Variants in CNTNAP4 observed in about 807,000 individuals in gnomAD.
CNTNAP4 encodes contactin-associated protein-like 4.
Under a neutral mutation model 148.4 loss-of-function variants are expected in CNTNAP4, and 98 were observed. The ratio of observed to expected loss-of-function variants is 0.66; its 90% CI spans 0.56 to 0.78. The LOEUF (loss-of-function observed/expected upper bound fraction) is 0.78. CNTNAP4 is among the 30% of genes least tolerant of loss of function. The probability of loss-of-function intolerance (pLI) is 0.00; values close to 1 mark genes in which losing one functional copy is unlikely to be tolerated. For missense variants in CNTNAP4, 1,935 were observed against 1,565.6 expected (o/e 1.24, Z -3.98); for synonymous variants, 730 against 565.1 (o/e 1.29, Z -4.14).
At chr16:76,391,392 C>A (rs1217891870) in intron 3 of CNTNAP4, among the ~76,000 whole-genome samples, 1 of 152,204 alleles carries the variant, frequency 6.6e-6, no homozygotes, top group East Asian at 1.9e-4. Context: ...TAATTTGTAA[C>A]TGACTTGTAG....
chr16:76,530,124 C>A (rs994027144), intron 17 of CNTNAP4, among the ~76,000 whole-genome samples: 1 of 151,966 alleles, frequency 6.6e-6, no homozygotes, highest in South Asian at 2.1e-4. Context: ...AGATCTTCGA[C>A]CTCTCTGTGA....
chr16:76,545,862 C>A (rs1456746429), intron 21 of CNTNAP4, among the ~76,000 whole-genome samples: 1 of 151,846 alleles, frequency 6.6e-6, no homozygotes, highest in South Asian at 2.1e-4. Context: ...ACGGTGAAGC[C>A]CCATCTCTAC....
chr16:76,537,525 T>C (rs2084263065), intron 18 of CNTNAP4, among the ~76,000 whole-genome samples: 1 of 152,142 alleles, frequency 6.6e-6, no homozygotes, highest in African/African-American at 2.4e-5. Context: ...ACTACACTTT[T>C]GTAAAATGAT....
intron 3 of CNTNAP4, among the ~76,000 whole-genome samples, chr16:76,385,131 T>A (rs562990270): frequency 2.0e-5 from 3 of 152,362 alleles, no homozygotes; most frequent in Non-Finnish European, 2.9e-5. Context: ...ATCCTTTTTT[T>A]AAACAATATA....
At chr16:76,377,826 A>G (rs547204303) in intron 3 of CNTNAP4, among the ~76,000 whole-genome samples, 84 of 152,340 alleles carry the variant, frequency 5.5e-4, no homozygotes, top group Non-Finnish European at 9.6e-4. Context: ...CCATGGAAAT[A>G]TAGCATGTGG....
chr16:76,336,462 T>G (rs1028219034), intron 2 of CNTNAP4, among the ~76,000 whole-genome samples: 2 of 152,164 alleles, frequency 1.3e-5, no homozygotes, highest in Non-Finnish European at 2.9e-5. Flanking sequence ...AAAAAGTTAT[T>G]AAACACTTAC....
At chr16:76,490,844 T>C (rs1203728307) in intron 13 of CNTNAP4, among the ~76,000 whole-genome samples, 3 of 152,180 alleles carry the variant, frequency 2.0e-5, no homozygotes, top group Non-Finnish European at 4.4e-5. Flanking sequence ...GGTGTATTTT[T>C]CTTTACATAT....
At chr16:76,396,734 C>G (rs1312362417) in intron 3 of CNTNAP4, among the ~76,000 whole-genome samples, 1 of 152,132 alleles carries the variant, frequency 6.6e-6, no homozygotes, top group Non-Finnish European at 1.5e-5. Context: ...TGTGTATCAG[C>G]CAGTGCTACC....
intron 2 of CNTNAP4, among the ~76,000 whole-genome samples, chr16:76,338,115 A>G (rs1413131392): frequency 6.6e-6 from 1 of 152,228 alleles, no homozygotes; most frequent in East Asian, 1.9e-4. Flanking sequence ...GACATAAGAA[A>G]TTATAAGAGT....
chr16:76,332,303 C>T (rs550135109), intron 2 of CNTNAP4, among the ~76,000 whole-genome samples: 12 of 152,236 alleles, frequency 7.9e-5, no homozygotes, highest in Admixed American at 5.2e-4. Flanking sequence ...TTCTGTTGCC[C>T]AGGCTGGAGT....
At chr16:76,328,509 CT>C (rs1310129224) in intron 2 of CNTNAP4, among the ~76,000 whole-genome samples, 1 of 152,156 alleles carries the variant, frequency 6.6e-6, no homozygotes, top group Non-Finnish European at 1.5e-5. Context: ...ATGATGTAAC[CT>C]TTATGGGATC....
At chr16:76,314,979 A>G (rs1961551383) in intron 1 of CNTNAP4, among the ~76,000 whole-genome samples, 1 of 152,106 alleles carries the variant, frequency 6.6e-6, no homozygotes, top group South Asian at 2.1e-4. Flanking sequence ...TTTGCTTTTT[A>G]AGATTCTCAA....
At chr16:76,554,841 A>G (rs1441606353) in intron 23 of CNTNAP4, among the ~76,000 whole-genome samples, 1 of 152,100 alleles carries the variant, frequency 6.6e-6, no homozygotes, top group Non-Finnish European at 1.5e-5. Context: ...TGTCCATGGA[A>G]TTTAGAAAAC....
intron 2 of CNTNAP4, among the ~76,000 whole-genome samples, chr16:76,351,446 C>G (rs1413648514): frequency 2.0e-5 from 3 of 152,118 alleles, no homozygotes; most frequent in Non-Finnish European, 4.4e-5. Context: ...TTCCATTTTA[C>G]TATTTAGCAT....
chr16:76,335,970 G>A (rs1214156343), intron 2 of CNTNAP4, among the ~76,000 whole-genome samples: 1 of 152,112 alleles, frequency 6.6e-6, no homozygotes, highest in Non-Finnish European at 1.5e-5. Flanking sequence ...CCAGGCAGAA[G>A]ACCAAGAAGT....
chr16:76,547,547 G>A (rs961011455), intron 21 of CNTNAP4, among the ~76,000 whole-genome samples: 1 of 152,154 alleles, frequency 6.6e-6, no homozygotes, highest in Admixed American at 6.5e-5. Context: ...AATTAACTTG[G>A]TTGACATTCA....
intron 21 of CNTNAP4, among the ~76,000 whole-genome samples, chr16:76,542,041 C>T (rs2084483162): frequency 6.6e-6 from 1 of 152,102 alleles, no homozygotes; most frequent in South Asian, 2.1e-4. Context: ...CTACTTTATT[C>T]CGTTGATTCA....
chr16:76,317,432 TAGAGAC>T (rs982968167), intron 2 of CNTNAP4, among the ~76,000 whole-genome samples: 152 of 152,308 alleles, frequency 1.0e-3, no homozygotes, highest in African/African-American at 3.5e-3. Context: ...ACTGTGTACT[TAGAGAC>T]AGAGTGTCAC....
chr16:76,495,246 T>C, intron 14 of CNTNAP4, 180 bp downstream of exon 14: 1 of 518,092 alleles, frequency 1.9e-6, no homozygotes, highest in Non-Finnish European at 3.3e-6. Flanking sequence ...CAATGCCTTT[T>C]TGAGTTATTT....
Sources: gnomAD v4.1 joint callset for allele counts (sites outside exome capture counted in the v4.1 genomes callset) on GRCh38, gnomAD v4.1.1 for gene constraint, MANE v1.5 for transcripts, NCBI Gene and HGNC (gene_info 2026-07-23, HGNC 2026-07-21) for gene names.